The following INTS14 variants were observed in gnomAD, a reference collection of about 807,000 sequenced individuals.
The protein encoded by INTS14 is integrator complex subunit 14, also known as UPF0464 protein C15orf44.
In INTS14, 27 loss-of-function variants were observed where a neutral mutation model predicts 56.9. The ratio of observed to expected loss-of-function variants is 0.47; its 90% CI spans 0.35 to 0.65. INTS14 has a LOEUF of 0.65. Among genes scored for constraint, INTS14 ranks in the 30% least tolerant of loss-of-function variants. The probability of loss-of-function intolerance (pLI) is 0.00; values close to 1 mark genes in which losing one functional copy is unlikely to be tolerated. For missense variants in INTS14, 517 were observed against 632.2 expected (o/e 0.82, Z 1.95); for synonymous variants, 207 against 236.2 (o/e 0.88, Z 1.13).
intron 3 of INTS14, among the ~76,000 whole-genome samples, chr15:65,602,771 G>A (rs571140620): frequency 4.6e-5 from 7 of 151,942 alleles, no homozygotes; most frequent in South Asian, 2.1e-4. Flanking sequence ...CGGTTCAAGC[G>A]ATTCTCCTGC....
rs868318379 is a variant in INTS14 at position 65,602,668 on chromosome 15, T to A, written c.330+2461A>T. Among the ~76,000 whole-genome samples the A allele has an allele frequency of 2.5e-4, 31 of 124,964 alleles. No homozygotes were observed. The South Asian group carries it at 6.0e-3, about 24-fold the overall frequency. 82.0% of individuals were successfully genotyped at this position (124,964 alleles called of 152,430 possible). ...AGTAAACACCACCTCTACTACAATG[T>A]TTTTTTTTTTTTTGAGACGGAGTTT... On this transcript the variant is annotated intron_variant, in intron 3 of 11. Transcript: ENST00000313182.
chr15:65,603,455 CT>C (rs1234160915), intron 3 of INTS14, among the ~76,000 whole-genome samples: 1 of 152,088 alleles, frequency 6.6e-6, no homozygotes, highest in African/African-American at 2.4e-5. Context: ...CAATTCATAC[CT>C]TTCCCTGACT....
At chr15:65,581,509 C>T (rs545328983) in intron 11 of INTS14, among the ~76,000 whole-genome samples, 4 of 127,326 alleles carry the variant, frequency 3.1e-5, no homozygotes, top group Non-Finnish European at 6.2e-5. Flanking sequence ...GATTGCACCA[C>T]GACACTCCAG....
At position 65,579,315 on chromosome 15, in the gene INTS14, G is replaced by A. The variant is rs2072488256; in HGVS notation, c.*93C>T. The A allele has an allele frequency of 6.6e-7, 1 of 1,518,878 alleles. No individual in the cohort carries two copies. Among genetic ancestry groups the A allele is most frequent in the African/African-American group, 1.4e-5 (1 of 72,354 alleles). 94.1% of individuals were successfully genotyped at this position (1,518,878 alleles called of 1,614,324 possible). Reference sequence around the variant, plus strand: ...GAGGCAGCCTCAGGAAGGTCTTTGGGTGGCTATTCTAGAGGTGAACATACT... The same window carrying A: ...GAGGCAGCCTCAGGAAGGTCTTTGGATGGCTATTCTAGAGGTGAACATACT... On this transcript the variant is annotated 3_prime_UTR_variant, in exon 12 of 12. Transcript: ENST00000313182.
intron 3 of INTS14, among the ~76,000 whole-genome samples, chr15:65,603,236 T>TA (rs920880771): frequency 1.3e-5 from 2 of 152,254 alleles, no homozygotes; most frequent in Non-Finnish European, 2.9e-5. Context: ...CTATATTCTA[T>TA]AAAACAGGGA....
At chr15:65,611,033 C>A in intron 1 of INTS14, 65 bp downstream of exon 1, 1 of 1,534,648 alleles carries the variant, frequency 6.5e-7, no homozygotes, top group Non-Finnish European at 8.7e-7. Flanking sequence ...TCACCCATAA[C>A]CCCTTCACCT....
intron 3 of INTS14, among the ~76,000 whole-genome samples, chr15:65,600,185 C>T (rs939994469): frequency 7.2e-5 from 11 of 152,052 alleles, no homozygotes; most frequent in African/African-American, 2.7e-4. Context: ...GTGGCATGCA[C>T]CTGTGGTCCC....
intron 3 of INTS14, among the ~76,000 whole-genome samples, chr15:65,600,654 C>CA (rs201916909): frequency 0.022 from 2,482 of 114,214 alleles, 20 homozygotes; most frequent in Non-Finnish European, 0.033. Flanking sequence ...CCTGGCCCCG[C>CA]AAAAAAAAAA....
intron 6 of INTS14, among the ~76,000 whole-genome samples, chr15:65,597,888 C>T (rs1049479785): frequency 1.3e-5 from 2 of 152,106 alleles, no homozygotes; most frequent in African/African-American, 4.8e-5. Flanking sequence ...GATGACCTTA[C>T]CATAAAAGAC....
At chr15:65,582,166 C>T in intron 10 of INTS14, 147 bp from the exon 11 acceptor site, 1 of 689,192 alleles carries the variant, frequency 1.5e-6, no homozygotes, top group Non-Finnish European at 2.3e-6. Context: ...GAGTTAATGT[C>T]AGTTCAACAT....
chr15:65,592,857 TA>T (rs1002701803), intron 8 of INTS14, among the ~76,000 whole-genome samples: 22 of 151,858 alleles, frequency 1.4e-4, no homozygotes, highest in African/African-American at 5.3e-4. Context: ...GTATTCTAGA[TA>T]GGATTAGAAA....
At chr15:65,595,100 G>A (rs1596251805) in intron 7 of INTS14, among the ~76,000 whole-genome samples, 1 of 152,194 alleles carries the variant, frequency 6.6e-6, no homozygotes. Context: ...ATTTGAACCT[G>A]TAGCCAGTCA....
At chr15:65,592,896 A>T (rs958611998) in intron 8 of INTS14, among the ~76,000 whole-genome samples, 2 of 152,140 alleles carry the variant, frequency 1.3e-5, no homozygotes, top group African/African-American at 4.8e-5. Context: ...GATATAAAAT[A>T]AAGGCAACGT....
intron 9 of INTS14, among the ~76,000 whole-genome samples, chr15:65,590,684 T>C (rs2072993720): frequency 6.6e-6 from 1 of 152,216 alleles, no homozygotes; most frequent in African/African-American, 2.4e-5. Context: ...CCAGGCTAAC[T>C]CTGATTTGTG....
At chr15:65,607,718 T>G (rs946676175) in intron 1 of INTS14, among the ~76,000 whole-genome samples, 1 of 152,220 alleles carries the variant, frequency 6.6e-6, no homozygotes, top group South Asian at 2.1e-4. Flanking sequence ...GCCCTTAACT[T>G]TCACACATTC....
At chr15:65,597,416 A>G (rs1420558407) in intron 6 of INTS14, among the ~76,000 whole-genome samples, 1 of 152,236 alleles carries the variant, frequency 6.6e-6, no homozygotes, top group Non-Finnish European at 1.5e-5. Flanking sequence ...AAAAGATTTA[A>G]CATGCACCTA....
At chr15:65,605,351 G>A (rs1278289148) in intron 2 of INTS14, 115 bp from the exon 3 acceptor site, 5 of 724,992 alleles carry the variant, frequency 6.9e-6, no homozygotes, top group African/African-American at 5.3e-5. Flanking sequence ...ATGTATCTGA[G>A]AGCACCAAAG....
In INTS14 at chr15:65,579,207, AG is replaced by A. The variant is rs2072483254; in HGVS notation, c.*200del. 1 of 622,234 alleles carries A rather than the reference AG, an allele frequency of 1.6e-6. No individual in the cohort carries two copies. The highest frequency in any genetic ancestry group is 1.9e-5 in the African/African-American group (1 of 53,978). 38.5% of individuals were successfully genotyped at this position (622,234 alleles called of 1,614,324 possible). Reference sequence around the variant, plus strand: ...TCCAAGCTTAAAAATTATGAATCCCAGGAAGTTAAAGCCCAACCAGCCAACC... The same window carrying A: ...TCCAAGCTTAAAAATTATGAATCCCAGAAGTTAAAGCCCAACCAGCCAACC... On this transcript the variant is annotated 3_prime_UTR_variant, in exon 12 of 12. Transcript: ENST00000313182.
chr15:65,607,890 T>C (rs2073713598), intron 1 of INTS14, among the ~76,000 whole-genome samples: 2 of 152,334 alleles, frequency 1.3e-5, no homozygotes, highest in South Asian at 4.1e-4. Flanking sequence ...ATTATTTTGT[T>C]GGTTGGTGCT....
Sources: gnomAD v4.1 joint callset for allele counts (sites outside exome capture counted in the v4.1 genomes callset) on GRCh38, gnomAD v4.1.1 for gene constraint, MANE v1.5 for transcripts, NCBI Gene and HGNC (gene_info 2026-07-23, HGNC 2026-07-21) for gene names.